The following MALRD1 variants were observed in gnomAD, a reference collection of about 807,000 sequenced individuals.
MALRD1 encodes the protein MAM and LDL receptor class A domain containing 1.
A neutral mutation model predicts 242.1 loss-of-function variants in MALRD1; 247 were observed. The ratio of observed to expected loss-of-function variants is 1.02; its 90% confidence interval spans 0.92 to 1.13. The LOEUF (loss-of-function observed/expected upper bound fraction) is 1.13. Ranked by LOEUF, MALRD1 falls within the 50% of genes most tolerant of loss-of-function variation. The pLI is 0.00. For synonymous variants in MALRD1, 995 were observed against 866.6 expected (o/e 1.15, Z -2.60); for missense variants, 2,989 against 2,533.1 (o/e 1.18, Z -3.86).
At chr10:19,166,377 G>A (rs1439083752) in intron 13 of MALRD1, among the ~76,000 whole-genome samples, 8 of 152,164 alleles carry the variant, frequency 5.3e-5, no homozygotes, top group Non-Finnish European at 1.2e-4. Flanking sequence ...CTAAAAAGTT[G>A]ATCTCATGGA....
Position 19,595,290 on chromosome 10 carries a change from A to G in MALRD1, c.5777A>G (p.His1926Arg). The change falls in exon 34 of 40, where the codon CAT becomes CGT. Residue 1926 changes from histidine to arginine, a missense_variant. Transcript: ENST00000454679. Reference protein sequence around the residue: ...CVPLSGKCDGHEDCIDGSDEM... With the variant: ...CVPLSGKCDGREDCIDGSDEM... ...CCTCTCTCAGGGAAATGTGATGGAC[A>G]TGAAGACTGCATAGATGGATCTGAT... is the stretch of plus-strand genomic sequence containing the variant. 1 of 1,550,826 alleles carries G rather than the reference A, an allele frequency of 6.4e-7. No individual in the cohort carries two copies.
At chr10:19,698,403 C>G (rs1044509894) in intron 38 of MALRD1, among the ~76,000 whole-genome samples, 1 of 152,164 alleles carries the variant, frequency 6.6e-6, no homozygotes, top group Non-Finnish European at 1.5e-5. Flanking sequence ...TAATTGGGGT[C>G]AGGCACAAAT....
intron 31 of MALRD1, among the ~76,000 whole-genome samples, chr10:19,512,751 G>A (rs1833461466): frequency 6.6e-6 from 1 of 152,062 alleles, no homozygotes; most frequent in African/African-American, 2.4e-5. Context: ...TGTCTTCCCA[G>A]AATTATGGAT....
intron 18 of MALRD1, among the ~76,000 whole-genome samples, chr10:19,221,400 G>A (rs1338899890): frequency 6.6e-6 from 1 of 152,130 alleles, no homozygotes; most frequent in African/African-American, 2.4e-5. Flanking sequence ...TTTGGAAGGA[G>A]CCTGTTGGTA....
rs142618797 is a variant in MALRD1 at position 19,389,511 on chromosome 10, A to G, written c.4747A>G (p.Arg1583Gly). 92 of 1,550,654 alleles carry G rather than the reference A, an allele frequency of 5.9e-5. No individual in the cohort carries two copies. In the Admixed American group the frequency reaches 1.0e-3, roughly 17 times the overall value. ...CCTTCGGGGTGACAAAGCACACTTC[A>G]GGAGTACCATGTGGCGAGAATCCAG... The part of the protein sequence containing the change: ...VGLRGDKAHF[R>G]STMWRESSAA... Residue 1583 changes from arginine to glycine, a missense_variant, in exon 28 of 40, where the codon AGG becomes GGG. Physicochemically the swap from Arg to Gly is moderately radical, Grantham distance 125. Coordinates refer to ENST00000454679, the MANE Select transcript of MALRD1 (RefSeq NM_001142308.3).
chr10:19,687,671 G>C (rs565971322), intron 36 of MALRD1, among the ~76,000 whole-genome samples: 1 of 152,008 alleles, frequency 6.6e-6, no homozygotes, highest in Non-Finnish European at 1.5e-5. Context: ...ACATTTTCTC[G>C]TTTTTCATTT....
chr10:19,646,475 C>T (rs994911552), intron 36 of MALRD1, among the ~76,000 whole-genome samples: 2 of 152,040 alleles, frequency 1.3e-5, no homozygotes, highest in South Asian at 2.1e-4. Context: ...TGTAGTGGCA[C>T]GCACATGTAA....
At chr10:19,058,639 G>C (rs1400251085) in intron 1 of MALRD1, among the ~76,000 whole-genome samples, 1 of 151,988 alleles carries the variant, frequency 6.6e-6, no homozygotes, top group East Asian at 1.9e-4. Flanking sequence ...CTGCAATATA[G>C]CACACCAATA....
At chr10:19,392,885 C>T (rs1038697656) in intron 28 of MALRD1, among the ~76,000 whole-genome samples, 3 of 152,130 alleles carry the variant, frequency 2.0e-5, no homozygotes, top group African/African-American at 7.2e-5. Flanking sequence ...ATGATTGGCT[C>T]TCACTCTCTG....
intron 29 of MALRD1, among the ~76,000 whole-genome samples, chr10:19,483,845 A>G (rs891233418): frequency 1.3e-5 from 2 of 152,206 alleles, no homozygotes; most frequent in Non-Finnish European, 2.9e-5. Context: ...TCATAGCACC[A>G]TTCTCAATAG....
intron 28 of MALRD1, among the ~76,000 whole-genome samples, chr10:19,447,088 A>ACACG (rs1205975198): frequency 6.7e-6 from 1 of 149,306 alleles, no homozygotes; most frequent in African/African-American, 2.5e-5. Flanking sequence ...ACACACACAC[A>ACACG]CACACACACA....
At chr10:19,583,552 C>G (rs1837236256) in intron 33 of MALRD1, among the ~76,000 whole-genome samples, 1 of 151,544 alleles carries the variant, frequency 6.6e-6, no homozygotes, top group South Asian at 2.1e-4. Flanking sequence ...ATTGAACCAG[C>G]CTTGCATCCC....
intron 38 of MALRD1, among the ~76,000 whole-genome samples, chr10:19,694,937 C>T (rs1250469384): frequency 6.6e-6 from 1 of 152,060 alleles, no homozygotes; most frequent in East Asian, 1.9e-4. Context: ...ATGGATGAAG[C>T]TGGGAACCAT....
At chr10:19,365,946 C>T (rs976457636) in intron 26 of MALRD1, among the ~76,000 whole-genome samples, 8 of 151,976 alleles carry the variant, frequency 5.3e-5, no homozygotes, top group Non-Finnish European at 7.4e-5. Flanking sequence ...TATTACCATA[C>T]ATTAGATTTG....
intron 2 of MALRD1, among the ~76,000 whole-genome samples, chr10:19,079,158 C>T (rs1835406338): frequency 6.6e-6 from 1 of 151,450 alleles, no homozygotes; most frequent in South Asian, 2.1e-4. Flanking sequence ...TAACTGCATC[C>T]CAACCATTTT....
chr10:19,537,996 C>T (rs1291509560), intron 32 of MALRD1, among the ~76,000 whole-genome samples: 1 of 152,154 alleles, frequency 6.6e-6, no homozygotes, highest in Non-Finnish European at 1.5e-5. Context: ...AAATAATGCA[C>T]AGGACTTAGA....
chr10:19,576,375 A>G (rs563262146), intron 33 of MALRD1, among the ~76,000 whole-genome samples: 2 of 152,300 alleles, frequency 1.3e-5, no homozygotes, highest in South Asian at 2.1e-4. Flanking sequence ...GATGATAGCA[A>G]TTCTTATTCT....
chr10:19,208,847 G>A (rs2884433), intron 17 of MALRD1, among the ~76,000 whole-genome samples: 50,342 of 151,940 alleles, frequency 0.33, 8,884 homozygotes, highest in South Asian at 0.64. Context: ...CTCTGGAGAT[G>A]AATTCTGGGC....
intron 29 of MALRD1, among the ~76,000 whole-genome samples, chr10:19,456,030 G>A (rs7478467): frequency 6.6e-6 from 1 of 152,150 alleles, no homozygotes; most frequent in Non-Finnish European, 1.5e-5. Flanking sequence ...AATGGTATAA[G>A]ATGTTGCCTT....
Sources: gnomAD v4.1 joint callset for allele counts (sites outside exome capture counted in the v4.1 genomes callset) on GRCh38, gnomAD v4.1.1 for gene constraint, MANE v1.5 for transcripts, NCBI Gene and HGNC (gene_info 2026-07-23, HGNC 2026-07-21) for gene names.